Variants in GREB1L observed in about 807,000 individuals in gnomAD.
GREB1L encodes the protein GREB1 like retinoic acid receptor coactivator, also known as GREB1-like protein.
In GREB1L, 17 loss-of-function variants were observed where a neutral mutation model predicts 200.8. The observed-to-expected ratio is 0.08, with a 90% CI of 0.06 to 0.13. The LOEUF (loss-of-function observed/expected upper bound fraction) is 0.13, where lower values mean the gene tolerates loss of function less well. GREB1L is among the 10% of genes least tolerant of loss of function. The probability of loss-of-function intolerance (pLI) is 1.00; values close to 1 mark genes in which losing one functional copy is unlikely to be tolerated. For synonymous variants in GREB1L, 789 were observed against 893.0 expected (o/e 0.88, Z 2.08); for missense variants, 1,657 against 2,367.7 (o/e 0.70, Z 6.23).
chr18:21,334,120 T>G (rs1294820018), intron 1 of GREB1L, among the ~76,000 whole-genome samples: 1 of 152,194 alleles, frequency 6.6e-6, no homozygotes, highest in Non-Finnish European at 1.5e-5. Flanking sequence ...ACTATTACAT[T>G]CCTCAAGACA....
At chr18:21,522,490 A>C (rs535761563) in intron 32 of GREB1L, among the ~76,000 whole-genome samples, 168 bp from the exon 33 acceptor site, 243 of 152,274 alleles carry the variant, frequency 1.6e-3, no homozygotes, top group Non-Finnish European at 2.5e-3. Context: ...GAAACAAAAA[A>C]AATTACTGAA....
chr18:21,516,182 A>G (rs2037411047), intron 29 of GREB1L, among the ~76,000 whole-genome samples: 1 of 152,158 alleles, frequency 6.6e-6, no homozygotes. Flanking sequence ...GAGAGGGCCA[A>G]GCAAGAAGGC....
At chr18:21,363,271 A>ACCCCCCCACCCCCCC (rs1567951929) in intron 1 of GREB1L, among the ~76,000 whole-genome samples, 1 of 7,310 alleles carries the variant, frequency 1.4e-4, no homozygotes, top group African/African-American at 5.3e-4. Flanking sequence ...CCCTGCCCCC[A>ACCCCCCCACCCCCCC]CTCCGCCTCC....
intron 1 of GREB1L, among the ~76,000 whole-genome samples, chr18:21,284,055 A>C (rs2038314373): frequency 6.6e-6 from 1 of 152,322 alleles, no homozygotes; most frequent in East Asian, 1.9e-4. Context: ...GCCCAATGTT[A>C]GGGGCACAAA....
intron 1 of GREB1L, among the ~76,000 whole-genome samples, chr18:21,306,833 GAAGAAAACA>G: frequency 6.6e-6 from 1 of 152,302 alleles, no homozygotes; most frequent in East Asian, 1.9e-4. Context: ...GGAGAAGGGA[GAAGAAAACA>G]GAAAGATCTT....
At position 21,510,458 on chromosome 18, in the gene GREB1L, A is replaced by C. The variant is rs147335591; in HGVS notation, c.4735+1867A>C. Among the ~76,000 whole-genome samples, 5 of 152,308 alleles carry C rather than the reference A, an allele frequency of 3.3e-5. No individual in the cohort carries two copies. In the East Asian group the frequency reaches 9.6e-4, roughly 29 times the overall value. ...TACAGTATTTGTCCTTTAGTGACTGACTGGCTTATCTCACTTAGCATGTCC... is the reference window on the plus strand; with the variant it reads ...TACAGTATTTGTCCTTTAGTGACTGCCTGGCTTATCTCACTTAGCATGTCC... On this transcript the variant is annotated intron_variant, in intron 27 of 32. Coordinates refer to ENST00000424526, the MANE Select transcript of GREB1L (RefSeq NM_001142966.3).
chr18:21,468,467 C>G (rs2035351907), intron 15 of GREB1L, among the ~76,000 whole-genome samples: 1 of 152,080 alleles, frequency 6.6e-6, no homozygotes, highest in African/African-American at 2.4e-5. Context: ...TGACTGTTGT[C>G]CAACTCCATG....
chr18:21,375,298 G>A (rs1179345383), intron 2 of GREB1L, among the ~76,000 whole-genome samples: 2 of 151,932 alleles, frequency 1.3e-5, no homozygotes, highest in African/African-American at 2.4e-5. Context: ...TTCTGACCTC[G>A]TGATTCATCC....
At chr18:21,514,425 G>C (rs1376532915) in intron 28 of GREB1L, among the ~76,000 whole-genome samples, 1 of 152,202 alleles carries the variant, frequency 6.6e-6, no homozygotes, top group Non-Finnish European at 1.5e-5. Context: ...TGAGGCAAGA[G>C]AATCACTTGA....
intron 20 of GREB1L, 87 bp from the exon 21 acceptor site, chr18:21,496,365 CTG>C: frequency 7.2e-7 from 1 of 1,388,420 alleles, no homozygotes; most frequent in Admixed American, 2.1e-5. Context: ...ATTTTAACTG[CTG>C]TGTGTTGCAT....
At chr18:21,478,179 A>G (rs2035783042) in intron 17 of GREB1L, among the ~76,000 whole-genome samples, 1 of 152,184 alleles carries the variant, frequency 6.6e-6, no homozygotes, top group Admixed American at 6.5e-5. Context: ...CTTCTGTATG[A>G]AATGGGATGA....
rs779174884 is a variant in GREB1L, at chr18:21,524,876, T to G, written c.*2055T>G. ...CACCCCTATAATGGAGAAATTGATC[T>G]GCCTATTCTTTTCAAAGCCTATCTT... is the stretch of plus-strand genomic sequence containing the variant. On this transcript the variant is annotated 3_prime_UTR_variant, in exon 33 of 33. Coordinates refer to ENST00000424526, the MANE Select transcript of GREB1L (RefSeq NM_001142966.3). 1 of 152,056 alleles carries G rather than the reference T, an allele frequency of 6.6e-6. No individual in the cohort carries two copies. The highest frequency in any genetic ancestry group is 2.4e-5 in the African/African-American group (1 of 41,370). The allele number at this position is 152,056 out of a possible 1,614,324, so 9.4% of individuals were successfully genotyped here. A position where few individuals can be genotyped will look rare whatever the true frequency, so the allele number is the denominator to read the frequency against.
intron 2 of GREB1L, among the ~76,000 whole-genome samples, chr18:21,371,390 C>G (rs556399183): frequency 6.6e-6 from 1 of 151,890 alleles, no homozygotes; most frequent in Non-Finnish European, 1.5e-5. Flanking sequence ...CCAGAATCTA[C>G]TGTAGTGCCC....
At chr18:21,451,257 T>A (rs574917545) in intron 13 of GREB1L, 106 bp downstream of exon 13, 1 of 1,222,808 alleles carries the variant, frequency 8.2e-7, no homozygotes, top group Non-Finnish European at 1.1e-6. Flanking sequence ...GCTTGCCAGC[T>A]GATCTTTCAT....
chr18:21,316,967 T>C (rs1429587457), intron 1 of GREB1L: 1 of 152,118 alleles, frequency 6.6e-6, no homozygotes, highest in Admixed American at 6.6e-5. Context: ...TTCGTTGTGT[T>C]GGCCAGCTTG....
chr18:21,437,826 A>G (rs1482818856), intron 7 of GREB1L, among the ~76,000 whole-genome samples: 1 of 152,228 alleles, frequency 6.6e-6, no homozygotes, highest in Non-Finnish European at 1.5e-5. Flanking sequence ...GAACAAGCCA[A>G]CTGTTTTAAA....
chr18:21,318,640 A>G (rs569805602), intron 1 of GREB1L, among the ~76,000 whole-genome samples: 56 of 152,352 alleles, frequency 3.7e-4, no homozygotes, highest in African/African-American at 1.3e-3. Context: ...TCTATACTCT[A>G]CCTTCCTAAA....
At position 21,449,540 on chromosome 18, in the gene GREB1L, T is replaced by C; in HGVS notation, c.1424T>C (p.Phe475Ser). 6.5e-7 allele frequency: 1 copy of C among 1,549,344 alleles called. No individual in the cohort carries two copies. The highest frequency in any genetic ancestry group is 8.7e-7 in the Non-Finnish European group (1 of 1,145,930). Reference protein sequence around the residue: ...GPDQVPLREEFEQIMLKAMQE... With the variant: ...GPDQVPLREESEQIMLKAMQE... ...GATCAGGTACCTCTCAGGGAAGAATTTGAGCAAATTATGCTGAAAGCTATG... is the reference window on the plus strand; with the variant it reads ...GATCAGGTACCTCTCAGGGAAGAATCTGAGCAAATTATGCTGAAAGCTATG... Residue 475 changes from phenylalanine to serine, a missense_variant, in exon 12 of 33, where the codon TTT (phenylalanine) becomes TCT (serine). Phe to Ser is a radical substitution (Grantham distance 155, BLOSUM62 -2). Transcript: ENST00000424526.
chr18:21,517,849 C>T (rs1360177818), intron 30 of GREB1L, among the ~76,000 whole-genome samples, 185 bp from the exon 31 acceptor site: 2 of 152,170 alleles, frequency 1.3e-5, no homozygotes, highest in Non-Finnish European at 2.9e-5. Flanking sequence ...TACATTAAAT[C>T]CTATTTTACT....
Sources: gnomAD v4.1 joint callset for allele counts (sites outside exome capture counted in the v4.1 genomes callset) on GRCh38, gnomAD v4.1.1 for gene constraint, MANE v1.5 for transcripts, NCBI Gene and HGNC (gene_info 2026-07-23, HGNC 2026-07-21) for gene names.